MAGI2: variants seen among roughly 807,000 people sequenced by gnomAD.
The protein encoded by MAGI2 is membrane associated guanylate kinase, WW and PDZ domain containing 2, also known as membrane-associated guanylate kinase, WW and PDZ domain-containing protein 2.
A neutral mutation model predicts 133.3 loss-of-function variants in MAGI2; 35 were observed. The observed-to-expected ratio is 0.26, with a 90% CI of 0.20 to 0.35. MAGI2 has a LOEUF of 0.35. Among genes scored for constraint, MAGI2 ranks in the 10% least tolerant of loss-of-function variants. The pLI, the probability that MAGI2 is intolerant of heterozygous loss-of-function variation, is 1.00. For synonymous variants in MAGI2, 729 were observed against 710.6 expected, an observed-to-expected ratio of 1.03 and a Z score of -0.41; for missense variants, 1,636 against 1,863.4, an observed-to-expected ratio of 0.88 and a Z score of 2.25.
At chr7:78,087,310 C>T (rs1816745599) in intron 20 of MAGI2, among the ~76,000 whole-genome samples, 1 of 152,030 alleles carries the variant, frequency 6.6e-6, no homozygotes, top group African/African-American at 2.4e-5. Flanking sequence ...AGAGTTTAAA[C>T]CAAATGTAAA....
At chr7:79,057,714 C>T (rs1440950521) in intron 1 of MAGI2, among the ~76,000 whole-genome samples, 1 of 152,100 alleles carries the variant, frequency 6.6e-6, no homozygotes, top group Admixed American at 6.6e-5. Flanking sequence ...TCTTTATGTT[C>T]CGAGAACCGA....
At chr7:78,230,759 G>A (rs1431754662) in intron 10 of MAGI2, among the ~76,000 whole-genome samples, 1 of 152,122 alleles carries the variant, frequency 6.6e-6, no homozygotes, top group African/African-American at 2.4e-5. Flanking sequence ...GCATCTTTTG[G>A]TTTCTGTAAA....
chr7:78,750,752 T>A (rs1319869732), intron 2 of MAGI2, among the ~76,000 whole-genome samples: 1 of 152,178 alleles, frequency 6.6e-6, no homozygotes. Context: ...AGGTTTAGTA[T>A]TAAATTTTCG....
At chr7:78,793,633 A>G (rs1787361173) in intron 2 of MAGI2, among the ~76,000 whole-genome samples, 1 of 152,214 alleles carries the variant, frequency 6.6e-6, no homozygotes, top group Non-Finnish European at 1.5e-5. Context: ...TCTTCTCAAT[A>G]GATTTAGAAA....
chr7:78,909,741 C>T (rs1392064805), intron 2 of MAGI2, among the ~76,000 whole-genome samples: 2 of 151,796 alleles, frequency 1.3e-5, no homozygotes, highest in South Asian at 2.1e-4. Flanking sequence ...TTCTCAAGGA[C>T]CTAGAACCAG....
chr7:78,097,830 T>TA (rs149111013), intron 20 of MAGI2, among the ~76,000 whole-genome samples: 5,707 of 151,948 alleles, frequency 0.038, 165 homozygotes, highest in African/African-American at 0.079. Context: ...GATAAAAAAA[T>TA]AAAAAATTTG....
At chr7:78,306,224 A>G (rs752716185) in intron 9 of MAGI2, among the ~76,000 whole-genome samples, 3 of 152,144 alleles carry the variant, frequency 2.0e-5, no homozygotes, top group Non-Finnish European at 4.4e-5. Context: ...GAGCTAATCT[A>G]AGTTGGATTT....
At chr7:78,726,655 G>T (rs1408364376) in intron 2 of MAGI2, among the ~76,000 whole-genome samples, 2 of 152,062 alleles carry the variant, frequency 1.3e-5, no homozygotes, top group Admixed American at 1.3e-4. Flanking sequence ...TAATATAACA[G>T]AGAATACTTC....
At chr7:79,217,800 T>C (rs1414634839) in intron 1 of MAGI2, among the ~76,000 whole-genome samples, 1 of 151,984 alleles carries the variant, frequency 6.6e-6, no homozygotes, top group Non-Finnish European at 1.5e-5. Flanking sequence ...TTAAATTACA[T>C]TTTGGGTATA....
intron 1 of MAGI2, among the ~76,000 whole-genome samples, chr7:79,409,469 T>TC (rs1846015696): frequency 6.6e-6 from 1 of 151,916 alleles, no homozygotes; most frequent in South Asian, 2.1e-4. Flanking sequence ...TTTCTGTTTT[T>TC]TTTTTCGTTT....
At chr7:78,633,547 T>C (rs1235082693) in intron 2 of MAGI2, among the ~76,000 whole-genome samples, 2 of 151,478 alleles carry the variant, frequency 1.3e-5, no homozygotes, top group African/African-American at 4.9e-5. Flanking sequence ...CTACTAAAAA[T>C]ACAAAAAAAT....
At chr7:78,270,161 T>C (rs1185151187) in intron 9 of MAGI2, among the ~76,000 whole-genome samples, 18 of 152,182 alleles carry the variant, frequency 1.2e-4, no homozygotes, top group Admixed American at 1.2e-3. Context: ...CTGTTTGTGT[T>C]AATGTAGCCT....
intron 3 of MAGI2, among the ~76,000 whole-genome samples, chr7:78,620,726 C>G (rs1807643559): frequency 1.3e-5 from 2 of 151,966 alleles, no homozygotes; most frequent in African/African-American, 4.8e-5. Flanking sequence ...ATTCGATCCT[C>G]TTAAAAATTG....
chr7:78,402,334 ATGTGTGTGTG>A (rs1166777366), intron 6 of MAGI2, among the ~76,000 whole-genome samples: 1,301 of 36,032 alleles, frequency 0.036, 9 homozygotes, highest in Admixed American at 0.052. Flanking sequence ...TAGGGTGTGT[ATGTGTGTGTG>A]TCCACCTGGG....
chr7:78,515,322 AAGAATATGT>A (rs1156867856), intron 4 of MAGI2, among the ~76,000 whole-genome samples: 4 of 152,128 alleles, frequency 2.6e-5, no homozygotes, highest in African/African-American at 9.7e-5. Flanking sequence ...TCTCATCTCT[AAGAATATGT>A]ATTTTAAAAT....
At chr7:78,421,119 C>A (rs552747848) in intron 6 of MAGI2, among the ~76,000 whole-genome samples, 1 of 152,252 alleles carries the variant, frequency 6.6e-6, no homozygotes, top group East Asian at 1.9e-4. Flanking sequence ...AAACAATCAC[C>A]TTGTCAGAGT....
chr7:79,355,370 G>A (rs978699141), intron 1 of MAGI2, among the ~76,000 whole-genome samples: 1 of 152,194 alleles, frequency 6.6e-6, no homozygotes, highest in Non-Finnish European at 1.5e-5. Flanking sequence ...AACAAAACAG[G>A]AGGGGAGAGA....
intron 2 of MAGI2, among the ~76,000 whole-genome samples, chr7:78,669,135 G>A (rs1814012801): frequency 1.3e-5 from 2 of 152,048 alleles, no homozygotes; most frequent in African/African-American, 4.8e-5. Flanking sequence ...TCCAGGAGCT[G>A]GTTTTTTGAA....
At chr7:78,425,050 T>C (rs979103338) in intron 6 of MAGI2, among the ~76,000 whole-genome samples, 3 of 152,202 alleles carry the variant, frequency 2.0e-5, no homozygotes, top group Non-Finnish European at 1.5e-5. Flanking sequence ...CAGGATGATA[T>C]GGTTTGTCTT....
Sources: gnomAD v4.1 joint callset for allele counts (sites outside exome capture counted in the v4.1 genomes callset) on GRCh38, gnomAD v4.1.1 for gene constraint, MANE v1.5 for transcripts, NCBI Gene and HGNC (gene_info 2026-07-23, HGNC 2026-07-21) for gene names.